Variants in LRP6 observed in about 807,000 individuals in gnomAD.
LRP6 encodes the protein low-density lipoprotein receptor-related protein 6.
In LRP6, 43 loss-of-function variants were observed where a neutral mutation model predicts 184.1. The observed-to-expected ratio is 0.23, with a 90% confidence interval of 0.18 to 0.30. LRP6 has a LOEUF of 0.30. LRP6 is among the 10% of genes least tolerant of loss of function. The pLI is 1.00. For missense variants in LRP6, 1,571 were observed against 2,005.3 expected, an observed-to-expected ratio of 0.78 and a Z score of 4.14; for synonymous variants, 719 against 684.9, an observed-to-expected ratio of 1.05 and a Z score of -0.78.
intron 2 of LRP6, among the ~76,000 whole-genome samples, chr12:12,238,032 TC>T (rs1329593747): frequency 1.3e-5 from 2 of 152,170 alleles, no homozygotes; most frequent in Non-Finnish European, 2.9e-5. Context: ...CAACTTTTTT[TC>T]CAAGTCTAAA....
rs549282989 is a variant in LRP6, at chr12:12,120,339, A to C, written c.*787T>G. On this transcript the variant is annotated 3_prime_UTR_variant, in exon 23 of 23. Coordinates refer to ENST00000261349, the MANE Select transcript of LRP6 (RefSeq NM_002336.3). Reference sequence around the variant, plus strand: ...CATTTAGTCAATGCTTCAGCTTAAAAAAATCATGGTATCTTAGCAAAATGA... The same window carrying C: ...CATTTAGTCAATGCTTCAGCTTAAACAAATCATGGTATCTTAGCAAAATGA... 5 of 152,202 alleles carry C rather than the reference A, an allele frequency of 3.3e-5. No individual in the cohort carries two copies. Among genetic ancestry groups the C allele is most frequent in the East Asian group, 1.9e-4 (1 of 5,170 alleles). 9.4% of individuals were successfully genotyped at this position (152,202 alleles called of 1,614,324 possible).
intron 2 of LRP6, among the ~76,000 whole-genome samples, chr12:12,220,879 C>G (rs1864469329): frequency 6.6e-6 from 1 of 152,186 alleles, no homozygotes; most frequent in South Asian, 2.1e-4. Flanking sequence ...GGATTACAGG[C>G]ATGAGCCACC....
intron 1 of LRP6, among the ~76,000 whole-genome samples, chr12:12,248,775 C>G (rs1016854412): frequency 1.3e-5 from 2 of 152,114 alleles, no homozygotes; most frequent in Non-Finnish European, 2.9e-5. Flanking sequence ...CCACTGCGCC[C>G]AGCCTCTCAG....
chr12:12,190,190 CCA>C (rs1863576391), intron 3 of LRP6, among the ~76,000 whole-genome samples: 1 of 152,132 alleles, frequency 6.6e-6, no homozygotes, highest in Non-Finnish European at 1.5e-5. Flanking sequence ...GTAGGGATAA[CCA>C]CACAGAGTAT....
At chr12:12,141,497 T>C (rs1277202625) in intron 15 of LRP6, among the ~76,000 whole-genome samples, 1 of 152,156 alleles carries the variant, frequency 6.6e-6, no homozygotes, top group East Asian at 1.9e-4. Flanking sequence ...TCAAGAATTT[T>C]AACCTTTTAT....
At chr12:12,188,274 T>C (rs565805138) in intron 3 of LRP6, among the ~76,000 whole-genome samples, 1 of 151,704 alleles carries the variant, frequency 6.6e-6, no homozygotes, top group East Asian at 1.9e-4. Context: ...AAATCACGTT[T>C]TGAGTCAAAA....
intron 15 of LRP6, among the ~76,000 whole-genome samples, chr12:12,140,793 G>A (rs963642302): frequency 4.6e-5 from 7 of 151,952 alleles, no homozygotes; most frequent in Non-Finnish European, 7.4e-5. Flanking sequence ...TAGTAGATAT[G>A]GGGTTTCACC....
chr12:12,122,167 G>A (rs1949614945), intron 22 of LRP6, among the ~76,000 whole-genome samples: 1 of 152,158 alleles, frequency 6.6e-6, no homozygotes, highest in African/African-American at 2.4e-5. Flanking sequence ...CTTTACAAGT[G>A]ACATACAGTT....
At chr12:12,149,218 T>C in intron 13 of LRP6, 65 bp from the exon 14 acceptor site, 6 of 1,243,270 alleles carry the variant, frequency 4.8e-6, no homozygotes, top group Non-Finnish European at 7.1e-6. Context: ...AGGCAATCAG[T>C]CACAATGCTT....
intron 3 of LRP6, among the ~76,000 whole-genome samples, chr12:12,198,428 G>A (rs752692209): frequency 1.3e-5 from 2 of 150,348 alleles, no homozygotes; most frequent in African/African-American, 2.4e-5. Context: ...CTATTTAAAG[G>A]TTTTTTGGTT....
intron 2 of LRP6, among the ~76,000 whole-genome samples, chr12:12,203,803 C>T (rs1349223932): frequency 6.6e-6 from 1 of 152,064 alleles, no homozygotes; most frequent in Non-Finnish European, 1.5e-5. Flanking sequence ...CAAAAAAACA[C>T]CTCATTTTAG....
chr12:12,133,845 T>G (rs923041840), intron 17 of LRP6, among the ~76,000 whole-genome samples: 1 of 39,974 alleles, frequency 2.5e-5, no homozygotes, highest in Non-Finnish European at 4.9e-5. Flanking sequence ...TGCTATTTTT[T>G]GGGGGGGGGG....
intron 12 of LRP6, among the ~76,000 whole-genome samples, chr12:12,153,379 G>A (rs1379440536): frequency 6.6e-6 from 1 of 152,064 alleles, no homozygotes; most frequent in Non-Finnish European, 1.5e-5. Context: ...TTTCTTGCCT[G>A]GGAAGCAATT....
At chr12:12,186,744 G>A (rs952244337) in intron 4 of LRP6, 179 bp downstream of exon 4, 21 of 633,368 alleles carry the variant, frequency 3.3e-5, no homozygotes, top group Admixed American at 6.6e-5. Context: ...CTGCAACCTC[G>A]GCCTCCCGAG....
At chr12:12,263,550 C>CAA (rs71061036) in intron 1 of LRP6, among the ~76,000 whole-genome samples, 1,642 of 135,798 alleles carry the variant, frequency 0.012, 32 homozygotes, top group African/African-American at 0.037. Flanking sequence ...GAATCCGTCT[C>CAA]AAAAAAAAAA....
intron 7 of LRP6, among the ~76,000 whole-genome samples, chr12:12,166,646 G>C (rs754828410): frequency 6.6e-6 from 1 of 152,094 alleles, no homozygotes; most frequent in Admixed American, 6.5e-5. Flanking sequence ...GCATAAACTA[G>C]ATGCCCAATA....
chr12:12,203,571 C>A (rs1173438380), intron 2 of LRP6, among the ~76,000 whole-genome samples, 171 bp from the exon 3 acceptor site: 1 of 152,152 alleles, frequency 6.6e-6, no homozygotes, highest in Non-Finnish European at 1.5e-5. Flanking sequence ...TCGAGACCAT[C>A]CTGGCCAACA....
intron 1 of LRP6, among the ~76,000 whole-genome samples, chr12:12,251,530 A>AT (rs1211480447): frequency 6.6e-6 from 1 of 150,872 alleles, no homozygotes; most frequent in Admixed American, 6.6e-5. Flanking sequence ...CGCACGGCTA[A>AT]TTTTTTTTGC....
chr12:12,229,312 G>A (rs1345399305), intron 2 of LRP6, among the ~76,000 whole-genome samples: 2 of 148,842 alleles, frequency 1.3e-5, no homozygotes, highest in Non-Finnish European at 3.0e-5. Context: ...GGAGGTTGCT[G>A]TGAGCCGAGA....
Sources: gnomAD v4.1 joint callset for allele counts (sites outside exome capture counted in the v4.1 genomes callset) on GRCh38, gnomAD v4.1.1 for gene constraint, MANE v1.5 for transcripts, NCBI Gene and HGNC (gene_info 2026-07-23, HGNC 2026-07-21) for gene names.